The following GNAO1 variants were observed in gnomAD, a reference collection of about 807,000 sequenced individuals.
The protein encoded by GNAO1 is G protein subunit alpha o1.
For synonymous variants in GNAO1, 164 were observed against 180.7 expected, an observed-to-expected ratio of 0.91 and a Z score of 0.74; for missense variants, 166 against 478.7, an observed-to-expected ratio of 0.35 and a Z score of 6.10.
Position 56,194,198 on chromosome 16 carries a change from T to C in GNAO1, c.161+1582T>C, listed in dbSNP as rs1237789675. The C allele has an allele frequency of 8.8e-6, 4 of 456,404 alleles. No homozygotes were observed. In the East Asian group the frequency reaches 2.8e-4, roughly 32 times the overall value. 28.3% of individuals were successfully genotyped at this position (456,404 alleles called of 1,614,324 possible). A position where few individuals can be genotyped will look rare whatever the true frequency, so the allele number is the denominator to read the frequency against. ...CTTTCTTCGCAGAGCCCCCCTTGGC[T>C]CGCCGCACCCTTCTGAGCCAGGGGT... On this transcript the variant is annotated intron_variant, in intron 2 of 8. Coordinates refer to ENST00000262493, the MANE Select transcript of GNAO1 (RefSeq NM_020988.3).
chr16:56,319,551 CT>C (rs1409077318), intron 3 of GNAO1, among the ~76,000 whole-genome samples: 1 of 152,106 alleles, frequency 6.6e-6, no homozygotes, highest in Non-Finnish European at 1.5e-5. Flanking sequence ...AGCAGCACCC[CT>C]ACCTGCTGCG....
At position 56,356,475 on chromosome 16, in the gene GNAO1, G is replaced by A. The variant is rs1466067117; in HGVS notation, c.*401G>A. 1 of 152,428 alleles carries A rather than the reference G, an allele frequency of 6.6e-6. No individual in the cohort carries two copies. Among genetic ancestry groups the A allele is most frequent in the African/African-American group, 2.4e-5 (1 of 41,454 alleles). 9.4% of individuals were successfully genotyped at this position (152,428 alleles called of 1,614,324 possible). A position where few individuals can be genotyped will look rare whatever the true frequency, so the allele number is the denominator to read the frequency against. On this transcript the variant is annotated 3_prime_UTR_variant, in exon 9 of 9. Coordinates refer to ENST00000262493, the MANE Select transcript of GNAO1 (RefSeq NM_020988.3). Reference sequence around the variant, plus strand: ...GGGGGCAGGGCCCATCTGCCGCCTGGGGCTCCGGTGCGGTGCACTGGTCCG... The same window carrying A: ...GGGGGCAGGGCCCATCTGCCGCCTGAGGCTCCGGTGCGGTGCACTGGTCCG...
intron 3 of GNAO1, among the ~76,000 whole-genome samples, chr16:56,318,331 G>T (rs1436707221): frequency 6.6e-6 from 1 of 152,326 alleles, no homozygotes; most frequent in African/African-American, 2.4e-5. Flanking sequence ...GGCCAGGCTG[G>T]GCCCCCCCAG....
chr16:56,192,363 G>C lies in GNAO1; in HGVS notation c.118+10G>C. The C allele has an allele frequency of 6.7e-7, 1 of 1,487,744 alleles. No individual in the cohort carries two copies. Among genetic ancestry groups the C allele is most frequent in the Non-Finnish European group, 9.4e-7 (1 of 1,066,556 alleles). 92.2% of individuals were successfully genotyped at this position (1,487,744 alleles called of 1,614,324 possible). Reference sequence around the variant, plus strand: ...AAATTACTCCTGCTCGGTAAGGACCGCCGCTGCTACCCCCATCCCCCGACC... The same window carrying C: ...AAATTACTCCTGCTCGGTAAGGACCCCCGCTGCTACCCCCATCCCCCGACC... On this transcript the variant is annotated intron_variant, in intron 1 of 8. Coordinates refer to ENST00000262493, the MANE Select transcript of GNAO1 (RefSeq NM_020988.3).
chr16:56,241,053 T>C (rs1045193880), intron 2 of GNAO1, among the ~76,000 whole-genome samples: 2 of 152,206 alleles, frequency 1.3e-5, no homozygotes, highest in Non-Finnish European at 2.9e-5. Context: ...TGGCCCAGGC[T>C]TTACTTCCTG....
intron 2 of GNAO1, among the ~76,000 whole-genome samples, chr16:56,229,500 G>C (rs1422370328): frequency 1.3e-5 from 2 of 152,144 alleles, no homozygotes; most frequent in Non-Finnish European, 2.9e-5. Context: ...GAGCCACTGT[G>C]CCCTGCCCCC....
chr16:56,326,699 G>A lies in GNAO1; in HGVS notation c.304-1932G>A, dbSNP rs1383076378. Among the ~76,000 whole-genome samples, 1 of 152,212 alleles carries A rather than the reference G, an allele frequency of 6.6e-6. No homozygotes were observed. The highest frequency in any genetic ancestry group is 1.9e-4 in the East Asian group (1 of 5,190). On this transcript the variant is annotated intron_variant, in intron 3 of 8. Transcript: ENST00000262493. The surrounding 1 kb of genome is among the most constrained non-coding windows in gnomAD (Gnocchi z 4.8). ...GTTATTTGCCCATTCCTGTCTGTCC[G>A]GGGCACCGACTCAAACTGCAGCCAG...
At chr16:56,270,711 T>C (rs1417195598) in intron 2 of GNAO1, 3 of 152,318 alleles carry the variant, frequency 2.0e-5, no homozygotes, top group East Asian at 1.9e-4. Flanking sequence ...GTACAAAATA[T>C]GTACCTTTTA....
At position 56,320,197 on chromosome 16, in the gene GNAO1, C is replaced by T. The variant is rs2037557015; in HGVS notation, c.304-8434C>T. Among the ~76,000 whole-genome samples, 2 of 152,108 alleles carry T rather than the reference C, an allele frequency of 1.3e-5. 1 individual carries two copies. Among genetic ancestry groups the T allele is most frequent in the Admixed American group, 1.3e-4 (2 of 15,272 alleles). On this transcript the variant is annotated intron_variant, in intron 3 of 8. Transcript: ENST00000262493. ...CAGAAATATACAGTCCCAGCCATGC[C>T]CCATAGAAGAGTCCCATCCTCCTCC...
At chr16:56,220,806 G>A (rs866054468) in intron 2 of GNAO1, among the ~76,000 whole-genome samples, 1 of 152,100 alleles carries the variant, frequency 6.6e-6, no homozygotes, top group Non-Finnish European at 1.5e-5. Context: ...GGAGTGCAGT[G>A]GCACAATCTT....
rs1180925594 is a variant in GNAO1, at chr16:56,291,423, A to G, written c.303+15351A>G. On this transcript the variant is annotated intron_variant, in intron 3 of 8. Transcript: ENST00000262493. Reference sequence around the variant, plus strand: ...GTGTATTTTCTTCAGAGAAATGTCTATTCAGAATTAGCCCATCTCTAAATG... The same window carrying G: ...GTGTATTTTCTTCAGAGAAATGTCTGTTCAGAATTAGCCCATCTCTAAATG... Among the ~76,000 whole-genome samples, 5 of 152,238 alleles carry G rather than the reference A, an allele frequency of 3.3e-5. No homozygotes were observed. The South Asian group carries it at 6.2e-4, about 19-fold the overall frequency.
chr16:56,302,777 G>A (rs2037357786), intron 3 of GNAO1: 1 of 152,224 alleles, frequency 6.6e-6, no homozygotes, highest in Non-Finnish European at 1.5e-5. Flanking sequence ...TACCATCACT[G>A]TGTGTATTGA....
intron 3 of GNAO1, 125 bp downstream of exon 3, chr16:56,276,197 T>C: frequency 4.9e-6 from 4 of 810,536 alleles, no homozygotes; most frequent in Non-Finnish European, 7.5e-6. Context: ...TTGAAAGATA[T>C]ATGGTGGCAC....
Position 56,354,268 on chromosome 16 carries a change from G to A in GNAO1, c.878-598G>A, listed in dbSNP as rs542447751. Among the ~76,000 whole-genome samples, 8 of 152,388 alleles carry A rather than the reference G, an allele frequency of 5.2e-5. No individual in the cohort carries two copies. In the South Asian group the frequency reaches 1.4e-3, roughly 28 times the overall value. On this transcript the variant is annotated intron_variant, in intron 7 of 8. Transcript: ENST00000262493. This position sits in a 1 kb window ranked among gnomAD's most constrained non-coding sequence, Gnocchi z 4.3. The stretch of plus-strand genomic sequence containing the variant: ...CTGCTGTCCCAGGCGGGGCTTCCGG[G>A]TGGATCTGGTGTGAAAACAGTAAGA...
At chr16:56,192,751 C>CACACACACA in intron 2 of GNAO1, 135 bp downstream of exon 2, 2 of 647,810 alleles carry the variant, frequency 3.1e-6, no homozygotes, top group Non-Finnish European at 2.8e-6. Flanking sequence ...CACACACACA[C>CACACACACA]CCCTATATTT....
intron 2 of GNAO1, among the ~76,000 whole-genome samples, chr16:56,209,572 T>A (rs550391634): frequency 2.4e-4 from 36 of 152,226 alleles, no homozygotes; most frequent in South Asian, 4.1e-4. Context: ...AATTGACATC[T>A]CTAAATCTTG....
At chr16:56,299,057 A>C (rs1335426427) in intron 3 of GNAO1, among the ~76,000 whole-genome samples, 2 of 152,200 alleles carry the variant, frequency 1.3e-5, no homozygotes, top group Non-Finnish European at 2.9e-5. Context: ...AGCAGGTAAA[A>C]TGATTAACCT....
chr16:56,294,341 T>TAAAAAAAA (rs377121608), intron 3 of GNAO1, among the ~76,000 whole-genome samples: 1 of 133,640 alleles, frequency 7.5e-6, no homozygotes, highest in Non-Finnish European at 1.6e-5. Flanking sequence ...GGCTTTGCTT[T>TAAAAAAAA]AAAAAAAAAA....
chr16:56,329,543 C>T (rs1358692510), intron 4 of GNAO1, among the ~76,000 whole-genome samples: 4 of 152,132 alleles, frequency 2.6e-5, no homozygotes, highest in Non-Finnish European at 5.9e-5. Context: ...GTGCCCTTGG[C>T]CTCTAGATTG....
Sources: allele counts gnomAD v4.1 joint callset (sites outside exome capture counted in the v4.1 genomes callset), GRCh38; gene constraint gnomAD v4.1.1; non-coding constraint Gnocchi (gnomAD v3.1); transcripts MANE v1.5; gene names NCBI Gene and HGNC (gene_info 2026-07-23, HGNC 2026-07-21).